PUM1: variants seen among roughly 807,000 people sequenced by gnomAD.
PUM1 encodes the protein pumilio homolog 1.
PUM1 carries 13 observed loss-of-function variants against 131.8 expected under a neutral mutation model. That is an observed-to-expected ratio of 0.10 (90% CI 0.06 to 0.16). The LOEUF (loss-of-function observed/expected upper bound fraction) is 0.16, where lower values mean the gene tolerates loss of function less well. Among genes scored for constraint, PUM1 ranks in the 10% least tolerant of loss-of-function variants. PUM1 has a pLI of 1.00. For missense variants in PUM1, 961 were observed against 1,512.4 expected (o/e 0.64, Z 6.05); for synonymous variants, 509 against 556.5 (o/e 0.91, Z 1.20).
chr1:31,034,621 T>C (rs1643544559), intron 2 of PUM1, among the ~76,000 whole-genome samples: 1 of 152,188 alleles, frequency 6.6e-6, no homozygotes, highest in Non-Finnish European at 1.5e-5. Flanking sequence ...CCTCCAAGTA[T>C]TCAGGAAGCC....
At chr1:31,056,439 C>T (rs1192444212) in intron 2 of PUM1, among the ~76,000 whole-genome samples, 2 of 151,670 alleles carry the variant, frequency 1.3e-5, no homozygotes, top group Non-Finnish European at 2.9e-5. Flanking sequence ...CACCACCATG[C>T]CAGGCTAATT....
At chr1:31,029,316 G>A (rs572789173) in intron 2 of PUM1, among the ~76,000 whole-genome samples, 50 of 152,258 alleles carry the variant, frequency 3.3e-4, no homozygotes, top group African/African-American at 1.1e-3. Context: ...TTTCTCTTTG[G>A]TAAACCTCAG....
intron 2 of PUM1, among the ~76,000 whole-genome samples, chr1:31,038,291 G>C (rs1643683542): frequency 1.3e-5 from 2 of 152,114 alleles, no homozygotes; most frequent in South Asian, 2.1e-4. Context: ...ATGAACTGAG[G>C]GGGTAGAAAT....
intron 1 of PUM1, 103 bp from the exon 2 acceptor site, chr1:31,059,680 G>A: frequency 7.4e-7 from 1 of 1,357,000 alleles, no homozygotes; most frequent in Non-Finnish European, 9.9e-7. Context: ...ATAAATAAAT[G>A]TCGTTGGTGG....
At position 30,999,606 on chromosome 1, in the gene PUM1, C is replaced by CAAAAAAAAAAAAA. The variant is rs56936440; in HGVS notation, c.721-4399_721-4387dup. On this transcript the variant is annotated intron_variant, in intron 5 of 21. Transcript: ENST00000426105. ...TGGGTGACAGAGCAAGACTCTGTCT[C>CAAAAAAAAAAAAA]AAAAAAAAAAAAAAAAAAAAAAAAA... Among the ~76,000 whole-genome samples, 7 of 53,954 alleles carry CAAAAAAAAAAAAA rather than the reference C, an allele frequency of 1.3e-4. 1 individual carries two copies. Among genetic ancestry groups the CAAAAAAAAAAAAA allele is most frequent in the African/African-American group, 4.9e-4 (7 of 14,428 alleles). The allele number at this position is 53,954 out of a possible 152,430, so 35.4% of individuals were successfully genotyped here.
At chr1:31,051,339 T>C (rs1644105326) in intron 2 of PUM1, among the ~76,000 whole-genome samples, 1 of 151,760 alleles carries the variant, frequency 6.6e-6, no homozygotes, top group Admixed American at 6.6e-5. Context: ...ATTTCGCTCT[T>C]GTTGCCCAGA....
intron 3 of PUM1, among the ~76,000 whole-genome samples, chr1:31,009,242 T>C (rs556210939): frequency 3.9e-5 from 6 of 152,048 alleles, no homozygotes; most frequent in Non-Finnish European, 8.8e-5. Context: ...TCATTGGTTA[T>C]ACCCTTTCTC....
chr1:31,055,787 G>A (rs1352352463), intron 2 of PUM1, among the ~76,000 whole-genome samples: 1 of 152,132 alleles, frequency 6.6e-6, no homozygotes, highest in Non-Finnish European at 1.5e-5. Flanking sequence ...AACTTGCACA[G>A]CAATAATCAG....
intron 5 of PUM1, among the ~76,000 whole-genome samples, chr1:30,998,151 T>C (rs183857677): frequency 2.6e-5 from 4 of 152,286 alleles, no homozygotes; most frequent in Non-Finnish European, 1.5e-5. Context: ...TTTGCAGAAA[T>C]TCAAGACGAA....
chr1:31,006,075 T>C, intron 4 of PUM1, 44 bp from the exon 5 acceptor site: 1 of 1,481,946 alleles, frequency 6.7e-7, no homozygotes, highest in Non-Finnish European at 9.1e-7. Context: ...AGCCAGAGGC[T>C]CAAACAAATT....
chr1:30,983,814 G>A (rs1189904517), intron 7 of PUM1, among the ~76,000 whole-genome samples: 3 of 149,882 alleles, frequency 2.0e-5, no homozygotes, highest in Non-Finnish European at 4.4e-5. Flanking sequence ...CGTTGCTCAG[G>A]CTGGTCTGGA....
At chr1:31,061,396 T>C (rs1185437514) in intron 1 of PUM1, among the ~76,000 whole-genome samples, 1 of 150,902 alleles carries the variant, frequency 6.6e-6, no homozygotes, top group Non-Finnish European at 1.5e-5. Context: ...GGCGGGTGGA[T>C]CATGAGGTCA....
At chr1:31,035,795 C>G (rs541678314) in intron 2 of PUM1, among the ~76,000 whole-genome samples, 23 of 151,968 alleles carry the variant, frequency 1.5e-4, no homozygotes, top group African/African-American at 5.5e-4. Flanking sequence ...TTATTACAGC[C>G]CTTAAACAAA....
At position 31,065,605 on chromosome 1, in the gene PUM1, C is replaced by T; in HGVS notation, c.-12+11G>A. ...AGCAGCGTTTGGGGCCGGTGGGGTG[C>T]GGATACTCACGGGCGGAGCGGTAGG... On this transcript the variant is annotated intron_variant, in intron 1 of 21. Transcript: ENST00000426105. 3 of 1,544,986 alleles carry T rather than the reference C, an allele frequency of 1.9e-6. No individual in the cohort carries two copies. The highest frequency in any genetic ancestry group is 2.4e-5 in the South Asian group (2 of 83,970).
At chr1:30,941,112 C>T (rs757449390) in intron 20 of PUM1, 39 bp downstream of exon 20, 1 of 1,580,002 alleles carries the variant, frequency 6.3e-7, no homozygotes, top group African/African-American at 1.4e-5. Flanking sequence ...TACTAATCCT[C>T]TCTTCTGGGA....
At chr1:30,967,740 T>C (rs1640683253) in intron 11 of PUM1, among the ~76,000 whole-genome samples, 1 of 152,218 alleles carries the variant, frequency 6.6e-6, no homozygotes, top group Non-Finnish European at 1.5e-5. Flanking sequence ...TTGGCTATGC[T>C]CTATGATCAG....
chr1:30,932,767 G>T lies in PUM1; in HGVS notation c.*444C>A, dbSNP rs1450733605. ...GTTTGTTTTTTACTAAAATGAGGAG[G>T]TGGGGAAGAGCTATTTGCAAAACTT... On this transcript the variant is annotated 3_prime_UTR_variant, in exon 22 of 22. Coordinates refer to ENST00000426105, the MANE Select transcript of PUM1 (RefSeq NM_001020658.2). The T allele has an allele frequency of 1.3e-5, 2 of 150,714 alleles. No homozygotes were observed. The highest frequency in any genetic ancestry group is 4.9e-5 in the African/African-American group (2 of 41,056). The allele number at this position is 150,714 out of a possible 1,614,324, so 9.3% of individuals were successfully genotyped here. A position where few individuals can be genotyped will look rare whatever the true frequency, so the allele number is the denominator to read the frequency against.
intron 10 of PUM1, among the ~76,000 whole-genome samples, chr1:30,971,834 T>C (rs532837608): frequency 6.6e-6 from 1 of 152,370 alleles, no homozygotes; most frequent in African/African-American, 2.4e-5. Flanking sequence ...TCTTGTTCAC[T>C]GTATTAGACC....
At chr1:30,990,316 A>C (rs763410032) in intron 7 of PUM1, among the ~76,000 whole-genome samples, 1 of 152,208 alleles carries the variant, frequency 6.6e-6, no homozygotes, top group African/African-American at 2.4e-5. Context: ...TAATCACAAC[A>C]CAAGACAAAA....
Sources: allele counts gnomAD v4.1 joint callset (sites outside exome capture counted in the v4.1 genomes callset), GRCh38; gene constraint gnomAD v4.1.1; transcripts MANE v1.5; gene names NCBI Gene and HGNC (gene_info 2026-07-23, HGNC 2026-07-21).